HS3ST1: variants seen among roughly 807,000 people sequenced by gnomAD.
HS3ST1 encodes the protein heparan sulfate glucosamine 3-O-sulfotransferase 1.
A neutral mutation model predicts 20.7 loss-of-function variants in HS3ST1; 8 were observed. That is an observed-to-expected ratio of 0.39 (90% CI 0.23 to 0.70). HS3ST1 has a LOEUF of 0.70. Among genes scored for constraint, HS3ST1 ranks in the 30% least tolerant of loss-of-function variants. The pLI, the probability that HS3ST1 is intolerant of heterozygous loss-of-function variation, is 0.46. For missense variants in HS3ST1, 436 were observed against 423.4 expected, an observed-to-expected ratio of 1.03 and a Z score of -0.26; for synonymous variants, 205 against 190.4, an observed-to-expected ratio of 1.08 and a Z score of -0.63.
intron 1 of HS3ST1, among the ~76,000 whole-genome samples, chr4:11,419,011 G>A (rs980515309): frequency 2.6e-5 from 4 of 152,052 alleles, no homozygotes; most frequent in African/African-American, 9.7e-5. Context: ...CACTCTCAGT[G>A]GTCTGGCTGC....
intron 1 of HS3ST1, among the ~76,000 whole-genome samples, chr4:11,415,201 A>G (rs1281207797): frequency 6.6e-6 from 1 of 152,230 alleles, no homozygotes; most frequent in Non-Finnish European, 1.5e-5. Flanking sequence ...AAGTATGTAA[A>G]TAGGGAAACA....
intron 1 of HS3ST1, among the ~76,000 whole-genome samples, chr4:11,412,695 A>G (rs1355552891): frequency 6.6e-6 from 1 of 152,186 alleles, no homozygotes; most frequent in Non-Finnish European, 1.5e-5. Flanking sequence ...CACTCATTCA[A>G]TGAATATTCA....
At chr4:11,428,243 G>C (rs903638612) in intron 1 of HS3ST1, among the ~76,000 whole-genome samples, 1 of 152,166 alleles carries the variant, frequency 6.6e-6, no homozygotes, top group African/African-American at 2.4e-5. Context: ...ACCCCCAAAG[G>C]CTCCCTCAGC....
chr4:11,432,869 C>G (rs1287549441), upstream of HS3ST1, among the ~76,000 whole-genome samples: 1 of 152,190 alleles, frequency 6.6e-6, no homozygotes, highest in Non-Finnish European at 1.5e-5. Flanking sequence ...TCATGCCTCC[C>G]CAACCATCCC....
intron 1 of HS3ST1, among the ~76,000 whole-genome samples, chr4:11,412,712 C>G (rs1390716547): frequency 6.6e-6 from 1 of 151,994 alleles, no homozygotes; most frequent in African/African-American, 2.4e-5. Flanking sequence ...TTCATTGAAC[C>G]CAGGACCTGA....
chr4:11,405,339 C>T (rs770953424), intron 1 of HS3ST1, among the ~76,000 whole-genome samples: 6 of 152,166 alleles, frequency 3.9e-5, no homozygotes, highest in Non-Finnish European at 4.4e-5. Flanking sequence ...TAAGCTTCCT[C>T]GAGTCCCACT....
At chr4:11,407,019 A>G (rs2108882999) in intron 1 of HS3ST1, among the ~76,000 whole-genome samples, 1 of 152,334 alleles carries the variant, frequency 6.6e-6, no homozygotes, top group East Asian at 1.9e-4. Context: ...TTTTAGAAAC[A>G]ATGAAATTGG....
intron 1 of HS3ST1, among the ~76,000 whole-genome samples, chr4:11,424,706 C>G (rs1331456840): frequency 6.6e-6 from 1 of 152,198 alleles, no homozygotes; most frequent in African/African-American, 2.4e-5. Flanking sequence ...GCCAACGCCA[C>G]TTGATCCATG....
At chr4:11,423,749 G>T (rs1048266969) in intron 1 of HS3ST1, among the ~76,000 whole-genome samples, 7 of 151,868 alleles carry the variant, frequency 4.6e-5, no homozygotes, top group African/African-American at 1.7e-4. Context: ...CCGAACAGAG[G>T]TTCACTCTGT....
upstream of HS3ST1, among the ~76,000 whole-genome samples, chr4:11,430,643 G>A (rs1335058019): frequency 1.3e-5 from 2 of 152,106 alleles, no homozygotes; most frequent in African/African-American, 2.4e-5. Flanking sequence ...AGACACAAAG[G>A]GGGTTAGCAA....
chr4:11,394,294 C>T lies in HS3ST1; in HGVS notation c.*4788G>A, dbSNP rs1180940244. 1 of 152,208 alleles carries T rather than the reference C, an allele frequency of 6.6e-6. No individual in the cohort carries two copies. The highest frequency in any genetic ancestry group is 2.4e-5 in the African/African-American group (1 of 41,466). The allele number at this position is 152,208 out of a possible 1,614,324, so 9.4% of individuals were successfully genotyped here. ...ACACCCAGGTCTTCTGGCTCTCTCT[C>T]TTTGCTGTTATCTAACTGAGAAATT... On this transcript the variant is annotated 3_prime_UTR_variant, in exon 2 of 2. Coordinates refer to ENST00000002596, the MANE Select transcript of HS3ST1 (RefSeq NM_005114.4).
At chr4:11,424,155 A>G (rs1184230220) in intron 1 of HS3ST1, among the ~76,000 whole-genome samples, 2 of 152,040 alleles carry the variant, frequency 1.3e-5, no homozygotes, top group African/African-American at 4.8e-5. Context: ...ACAGGGCCCA[A>G]GTCCTGTTCC....
At chr4:11,407,042 T>C (rs1381624417) in intron 1 of HS3ST1, among the ~76,000 whole-genome samples, 1 of 152,226 alleles carries the variant, frequency 6.6e-6, no homozygotes, top group Non-Finnish European at 1.5e-5. Context: ...ATACGTTTAG[T>C]TTGTGCCTGT....
At chr4:11,418,754 C>G (rs1718852047) in intron 1 of HS3ST1, among the ~76,000 whole-genome samples, 1 of 152,194 alleles carries the variant, frequency 6.6e-6, no homozygotes, top group Non-Finnish European at 1.5e-5. Context: ...AGAGGACCAC[C>G]AGGGGCACCA....
chr4:11,425,572 A>G (rs1255089366), intron 1 of HS3ST1, among the ~76,000 whole-genome samples: 2 of 152,226 alleles, frequency 1.3e-5, no homozygotes, highest in African/African-American at 4.8e-5. Flanking sequence ...GGCCAATTAA[A>G]AGAAATCTCT....
At chr4:11,420,218 C>T (rs1718894074) in intron 1 of HS3ST1, among the ~76,000 whole-genome samples, 1 of 152,238 alleles carries the variant, frequency 6.6e-6, no homozygotes, top group East Asian at 1.9e-4. Flanking sequence ...GCATGAAACT[C>T]TGCTTTGGAA....
chr4:11,414,557 A>C (rs1297967948), intron 1 of HS3ST1, among the ~76,000 whole-genome samples: 2 of 152,184 alleles, frequency 1.3e-5, no homozygotes, highest in South Asian at 2.1e-4. Context: ...TTTCTACTTT[A>C]ACAACCGTAT....
intron 1 of HS3ST1, among the ~76,000 whole-genome samples, chr4:11,417,473 T>C (rs1273007417): frequency 6.6e-6 from 1 of 152,156 alleles, no homozygotes; most frequent in Admixed American, 6.6e-5. Flanking sequence ...AATACATAAT[T>C]AAAAATCATG....
chr4:11,412,934 A>G (rs1351667028), intron 1 of HS3ST1, among the ~76,000 whole-genome samples: 1 of 152,168 alleles, frequency 6.6e-6, no homozygotes, highest in African/African-American at 2.4e-5. Flanking sequence ...TGAAGACGTC[A>G]TGAATGGTAT....
Sources: gnomAD v4.1 joint callset for allele counts (sites outside exome capture counted in the v4.1 genomes callset) on GRCh38, gnomAD v4.1.1 for gene constraint, MANE v1.5 for transcripts, NCBI Gene and HGNC (gene_info 2026-07-23, HGNC 2026-07-21) for gene names.